ERC1: variants seen among roughly 807,000 people sequenced by gnomAD.
ERC1 encodes the protein RAB6 interacting protein 2.
A neutral mutation model predicts 132.0 loss-of-function variants in ERC1; 56 were observed. The ratio of observed to expected loss-of-function variants is 0.42; its 90% CI spans 0.34 to 0.53. The LOEUF is 0.53. Among genes scored for constraint, ERC1 ranks in the 20% least tolerant of loss-of-function variants. ERC1 has a pLI of 0.03. For missense variants in ERC1, 1,202 were observed against 1,349.9 expected, an observed-to-expected ratio of 0.89 and a Z score of 1.72; for synonymous variants, 478 against 476.1, an observed-to-expected ratio of 1.00 and a Z score of -0.05.
At chr12:1,141,591 C>T in intron 7 of ERC1, 29 bp from the exon 8 acceptor site, 3 of 1,555,690 alleles carry the variant, frequency 1.9e-6, no homozygotes, top group Non-Finnish European at 2.6e-6. Context: ...CTTTTTAATT[C>T]ATCACTTGTA....
chr12:1,419,043 TA>T (rs566594618), intron 17 of ERC1, among the ~76,000 whole-genome samples: 162 of 152,172 alleles, frequency 1.1e-3, no homozygotes, highest in African/African-American at 3.8e-3. Flanking sequence ...GCTCCCACAT[TA>T]CATAAAACTT....
At chr12:1,418,585 CTTTCTCTTTCTTTCTTTCTT>C (rs1290392080) in intron 17 of ERC1, among the ~76,000 whole-genome samples, 77 of 96,472 alleles carry the variant, frequency 8.0e-4, no homozygotes, top group African/African-American at 2.3e-3. Flanking sequence ...TTCTTTCTTT[CTTTCTCTTTCTTTCTTTCTT>C]TCTTTCTTTC....
chr12:1,354,804 G>A (rs571002594), intron 15 of ERC1, among the ~76,000 whole-genome samples: 2 of 152,152 alleles, frequency 1.3e-5, no homozygotes, highest in South Asian at 4.2e-4. Flanking sequence ...GAGTGCGCCC[G>A]GCTAGTTTTT....
intron 7 of ERC1, among the ~76,000 whole-genome samples, chr12:1,134,078 T>A (rs1949023943): frequency 6.6e-6 from 1 of 152,198 alleles, no homozygotes; most frequent in Non-Finnish European, 1.5e-5. Flanking sequence ...TACTGAACTT[T>A]GTTTTGTGAT....
At chr12:1,075,733 A>G (rs1284987682) in intron 2 of ERC1, among the ~76,000 whole-genome samples, 1 of 152,070 alleles carries the variant, frequency 6.6e-6, no homozygotes, top group Admixed American at 6.6e-5. Context: ...TCGGGGGAAA[A>G]GAAAAAAAAA....
At chr12:1,100,538 TGTGATG>T (rs1364902407) in intron 3 of ERC1, among the ~76,000 whole-genome samples, 1 of 152,100 alleles carries the variant, frequency 6.6e-6, no homozygotes, top group Non-Finnish European at 1.5e-5. Context: ...CTTAGAGCAG[TGTGATG>T]GTGGAGGTGG....
intron 17 of ERC1, among the ~76,000 whole-genome samples, chr12:1,416,310 C>G (rs1425447214): frequency 6.6e-6 from 1 of 152,068 alleles, no homozygotes; most frequent in Non-Finnish European, 1.5e-5. Context: ...AAAAGGAGGT[C>G]TTGGAGGTTG....
At chr12:1,413,825 C>T (rs2091971396) in intron 17 of ERC1, among the ~76,000 whole-genome samples, 1 of 152,204 alleles carries the variant, frequency 6.6e-6, no homozygotes, top group African/African-American at 2.4e-5. Context: ...CTATCTCAGT[C>T]AGCTCAGGCT....
chr12:1,460,981 T>C (rs74059549), intron 18 of ERC1, among the ~76,000 whole-genome samples: 6,151 of 137,748 alleles, frequency 0.045, 332 homozygotes, highest in African/African-American at 0.17. Context: ...TTTTTTTTTT[T>C]CATTTTTCTA....
In ERC1 at chr12:1,122,625, G is replaced by GCCTATTGATATA. The variant is rs1555256300; in HGVS notation, c.1569+6592_1569+6593insCCTATTGATATA. Among the ~76,000 whole-genome samples the GCCTATTGATATA allele has an allele frequency of 6.6e-3, 40 of 6,024 alleles. 11 individuals carry two copies. Among genetic ancestry groups the GCCTATTGATATA allele is most frequent in the East Asian group, 0.036 (5 of 140 alleles). The allele number at this position is 6,024 out of a possible 152,430, so 4.0% of individuals were successfully genotyped here. On this transcript the variant is annotated intron_variant, in intron 7 of 18. Transcript: ENST00000360905. Reference sequence around the variant, plus strand: ...TGTCTCTATCTCTATCTCTATCTGTGTCTCTATCTCTATCTCTATCTCTAT... The same window carrying GCCTATTGATATA: ...TGTCTCTATCTCTATCTCTATCTGTGCCTATTGATATATCTCTATCTCTATCTCTATCTCTAT...
chr12:1,446,295 A>G (rs965195516), intron 18 of ERC1, among the ~76,000 whole-genome samples: 3 of 152,248 alleles, frequency 2.0e-5, no homozygotes, highest in African/African-American at 7.2e-5. Flanking sequence ...AGACATGGAA[A>G]GTGAAGGAAA....
chr12:1,121,837 ATCTATCTCTATCTCTATC>A, intron 7 of ERC1, among the ~76,000 whole-genome samples: 1 of 4,374 alleles, frequency 2.3e-4, no homozygotes, highest in African/African-American at 3.4e-4. Flanking sequence ...CTCTATCTCT[ATCTATCTCTATCTCTATC>A]TCTATCTCTA....
chr12:1,053,087 G>A (rs970837297), intron 2 of ERC1, among the ~76,000 whole-genome samples: 2 of 152,132 alleles, frequency 1.3e-5, no homozygotes, highest in African/African-American at 4.8e-5. Context: ...TAGAAACTTG[G>A]GAGGGGAAGG....
intron 17 of ERC1, among the ~76,000 whole-genome samples, chr12:1,442,730 A>G (rs1426068096): frequency 6.6e-6 from 1 of 152,214 alleles, no homozygotes; most frequent in African/African-American, 2.4e-5. Flanking sequence ...TTATGCAGCC[A>G]TGAAAAACAT....
intron 7 of ERC1, among the ~76,000 whole-genome samples, 167 bp from the exon 8 acceptor site, chr12:1,141,453 C>T (rs367600393): frequency 4.6e-5 from 7 of 152,080 alleles, no homozygotes; most frequent in Admixed American, 1.3e-4. Flanking sequence ...CATTGTGTAA[C>T]GGTGAGCACA....
chr12:1,449,801 C>T (rs1565463606), intron 18 of ERC1, among the ~76,000 whole-genome samples: 1 of 151,874 alleles, frequency 6.6e-6, no homozygotes, highest in Admixed American at 6.6e-5. Context: ...AAAGTTAAAC[C>T]TATCATCTTT....
At chr12:1,379,401 A>G (rs2088347728) in intron 16 of ERC1, among the ~76,000 whole-genome samples, 1 of 152,140 alleles carries the variant, frequency 6.6e-6, no homozygotes, top group African/African-American at 2.4e-5. Flanking sequence ...AAAAGCCCCT[A>G]TTTCAGTGAA....
intron 13 of ERC1, among the ~76,000 whole-genome samples, chr12:1,254,655 C>T (rs7980582): frequency 6.6e-6 from 1 of 151,794 alleles, no homozygotes; most frequent in Non-Finnish European, 1.5e-5. Context: ...CTGGGATTAC[C>T]GGTGTGCATC....
chr12:1,318,454 T>C (rs1326472873), intron 15 of ERC1, among the ~76,000 whole-genome samples: 1 of 152,202 alleles, frequency 6.6e-6, no homozygotes, highest in African/African-American at 2.4e-5. Flanking sequence ...AGGCATGAAA[T>C]AAATTGGCAA....
Sources: gnomAD v4.1 joint callset for allele counts (sites outside exome capture counted in the v4.1 genomes callset) on GRCh38, gnomAD v4.1.1 for gene constraint, MANE v1.5 for transcripts, NCBI Gene and HGNC (gene_info 2026-07-23, HGNC 2026-07-21) for gene names.